The following BANP variants were observed in gnomAD, a reference collection of about 807,000 sequenced individuals.
BANP encodes the protein BTG3 associated nuclear protein.
In BANP, 11 loss-of-function variants were observed where a neutral mutation model predicts 68.1. That is an observed-to-expected ratio of 0.16 (90% CI 0.10 to 0.27). The LOEUF is 0.27. BANP is among the 10% of genes least tolerant of loss of function. The pLI is 1.00. For missense variants in BANP, 504 were observed against 722.7 expected (o/e 0.70, Z 3.47); for synonymous variants, 329 against 303.2 (o/e 1.09, Z -0.88).
At chr16:88,049,378 C>T (rs571514206) in intron 11 of BANP, among the ~76,000 whole-genome samples, 1 of 152,196 alleles carries the variant, frequency 6.6e-6, no homozygotes. Context: ...GGGGAAGGGG[C>T]ACAGAGCTTC....
chr16:88,033,828 G>A (rs1598674762), intron 9 of BANP, among the ~76,000 whole-genome samples: 1 of 152,196 alleles, frequency 6.6e-6, no homozygotes, highest in African/African-American at 2.4e-5. Flanking sequence ...ATGCGCCTAG[G>A]GGCTTGCTCC....
intron 13 of BANP, among the ~76,000 whole-genome samples, chr16:88,072,873 C>T (rs1599157595): frequency 6.6e-6 from 1 of 152,162 alleles, no homozygotes; most frequent in African/African-American, 2.4e-5. Flanking sequence ...GCTTTGGGAA[C>T]GTGCCCAGCG....
At chr16:88,012,241 C>T (rs1253997125) in intron 6 of BANP, among the ~76,000 whole-genome samples, 1 of 152,210 alleles carries the variant, frequency 6.6e-6, no homozygotes, top group East Asian at 1.9e-4. Context: ...GGTTTGAATT[C>T]TGTGTGGGTT....
intron 3 of BANP, 144 bp downstream of exon 3, chr16:87,981,271 G>C (rs1241258961): frequency 3.0e-6 from 2 of 670,058 alleles, no homozygotes; most frequent in Non-Finnish European, 5.3e-6. Context: ...TGCAGGCAGG[G>C]TCTCGCTCCC....
chr16:88,013,215 C>G (rs532308805), intron 6 of BANP, among the ~76,000 whole-genome samples: 1 of 152,376 alleles, frequency 6.6e-6, no homozygotes, highest in East Asian at 1.9e-4. Context: ...TCATTCACTT[C>G]TGGAGACGTC....
chr16:88,072,107 G>C lies in BANP; in HGVS notation c.1416G>C (p.Ser472=). ...CACAGCTGATCGCCGTGGCCTCCTC[G>C]GACCCCGCGGCGGCGGGCGTGGATG... ...QGAQLIAVAS[S]DPAAAGVDGS... The change falls in exon 13 of 14, where the codon TCG becomes TCC. Residue 472 remains serine, a synonymous_variant. Coordinates refer to ENST00000682872, the MANE Select transcript of BANP (RefSeq NM_001386991.1). 6.2e-7 allele frequency: 1 copy of C among 1,603,294 alleles called. No homozygotes were observed. The highest frequency in any genetic ancestry group is 1.3e-5 in the African/African-American group (1 of 74,972).
At chr16:87,972,233 G>A (rs944516757) in intron 1 of BANP, among the ~76,000 whole-genome samples, 2 of 151,582 alleles carry the variant, frequency 1.3e-5, no homozygotes, top group East Asian at 1.9e-4. Flanking sequence ...TTTTCTTAAG[G>A]CACCATTGTG....
intron 6 of BANP, among the ~76,000 whole-genome samples, chr16:88,010,745 C>A (rs1012946594): frequency 2.0e-5 from 3 of 152,358 alleles, no homozygotes; most frequent in South Asian, 2.1e-4. Flanking sequence ...CAGCTATGCA[C>A]GTGGAAAGGA....
intron 13 of BANP, among the ~76,000 whole-genome samples, chr16:88,074,056 C>T (rs2091057567): frequency 6.6e-6 from 1 of 152,226 alleles, no homozygotes; most frequent in Non-Finnish European, 1.5e-5. Context: ...TAGCTTGTCA[C>T]CAAGGGCCCA....
intron 13 of BANP, among the ~76,000 whole-genome samples, chr16:88,075,963 C>T (rs943941785): frequency 1.6e-4 from 24 of 152,164 alleles, no homozygotes; most frequent in African/African-American, 5.5e-4. Flanking sequence ...CCAGCCTAGG[C>T]TTGAACTCCT....
chr16:88,040,128 A>G (rs1344215008), intron 11 of BANP, among the ~76,000 whole-genome samples: 1 of 152,192 alleles, frequency 6.6e-6, no homozygotes, highest in Non-Finnish European at 1.5e-5. Context: ...GAATCTTGGT[A>G]CATGGCCCCT....
chr16:88,053,462 T>C (rs972487610), intron 11 of BANP, among the ~76,000 whole-genome samples: 11 of 136,188 alleles, frequency 8.1e-5, no homozygotes, highest in Non-Finnish European at 1.4e-4. Flanking sequence ...ATCATCATCA[T>C]CACCAACACA....
intron 2 of BANP, among the ~76,000 whole-genome samples, chr16:87,976,627 C>T (rs4843757): frequency 0.35 from 52,979 of 151,924 alleles, 10,535 homozygotes; most frequent in Non-Finnish European, 0.47. Flanking sequence ...ATTTATTCCC[C>T]CAGAAGAGAG....
At chr16:88,049,649 G>C (rs528145237) in intron 11 of BANP, among the ~76,000 whole-genome samples, 1 of 152,150 alleles carries the variant, frequency 6.6e-6, no homozygotes, top group Non-Finnish European at 1.5e-5. Context: ...CAGGGCTGTG[G>C]GAGTTAGGGG....
chr16:88,068,093 T>C lies in BANP; in HGVS notation c.1377+2761T>C, dbSNP rs185736886. 1.8e-3 allele frequency among the ~76,000 whole-genome samples: 268 copies of C among 152,346 alleles called. 2 individuals carry two copies. Among genetic ancestry groups the C allele is most frequent in the Non-Finnish European group, 3.4e-3 (232 of 68,024 alleles). ...CGCACTTCGTTTCCATTTTCACACG[T>C]AGTTCAGAGCTGGGTGTCCGACAGA... On this transcript the variant is annotated intron_variant, in intron 12 of 13. Coordinates refer to ENST00000682872, the MANE Select transcript of BANP (RefSeq NM_001386991.1).
chr16:87,983,434 C>T lies in BANP; in HGVS notation c.163-626C>T, dbSNP rs371471025. 1.8e-4 allele frequency among the ~76,000 whole-genome samples: 28 copies of T among 152,310 alleles called. No individual in the cohort carries two copies. The East Asian group carries it at 5.4e-3, about 29-fold the overall frequency. On this transcript the variant is annotated intron_variant, in intron 3 of 13. Coordinates refer to ENST00000682872, the MANE Select transcript of BANP (RefSeq NM_001386991.1). ...TTCTGGTTTGTGTGTTTCTCTGTTT[C>T]TTGGGTTTGGGGTCCGGCACGTGAC...
intron 4 of BANP, among the ~76,000 whole-genome samples, chr16:87,988,039 T>G (rs1414884632): frequency 6.6e-6 from 1 of 152,188 alleles, no homozygotes; most frequent in Admixed American, 6.5e-5. Flanking sequence ...TTGAAAGCTG[T>G]TGACAGAAAA....
chr16:88,067,065 C>G (rs1187725748), intron 12 of BANP, among the ~76,000 whole-genome samples: 1 of 148,470 alleles, frequency 6.7e-6, no homozygotes, highest in Non-Finnish European at 1.5e-5. Context: ...CACTCGCTCT[C>G]TTTTTTATTA....
chr16:87,954,276 T>C (rs1195140997), intron 1 of BANP, among the ~76,000 whole-genome samples: 2 of 152,230 alleles, frequency 1.3e-5, no homozygotes, highest in East Asian at 1.9e-4. Context: ...TTGTTTCTTT[T>C]TCATAGTAGC....
Sources: allele counts gnomAD v4.1 joint callset (sites outside exome capture counted in the v4.1 genomes callset), GRCh38; gene constraint gnomAD v4.1.1; transcripts MANE v1.5; gene names NCBI Gene and HGNC (gene_info 2026-07-23, HGNC 2026-07-21).